Variants in BAZ1B observed in about 807,000 individuals in gnomAD.
BAZ1B encodes the protein bromodomain adjacent to zinc finger domain 1B, also known as tyrosine-protein kinase BAZ1B.
A neutral mutation model predicts 153.8 loss-of-function variants in BAZ1B; 22 were observed. That is an observed-to-expected ratio of 0.14 (90% confidence interval 0.10 to 0.20). The LOEUF (loss-of-function observed/expected upper bound fraction) is 0.20, where lower values mean the gene tolerates loss of function less well. Ranked by LOEUF, BAZ1B falls within the 10% of genes least tolerant of loss-of-function variation. BAZ1B has a pLI of 1.00. For missense variants in BAZ1B, 1,325 were observed against 1,799.3 expected, an observed-to-expected ratio of 0.74 and a Z score of 4.77; for synonymous variants, 676 against 633.4, an observed-to-expected ratio of 1.07 and a Z score of -1.01.
At chr7:73,517,918 T>C (rs1790875553) in intron 1 of BAZ1B, among the ~76,000 whole-genome samples, 2 of 152,146 alleles carry the variant, frequency 1.3e-5, no homozygotes, top group Admixed American at 1.3e-4. Flanking sequence ...CCCAGATAAG[T>C]ATAGAGTCAA....
At chr7:73,456,937 CAAAAAAAAAAAAAAAAAAAAA>C (rs71071937) in intron 13 of BAZ1B, among the ~76,000 whole-genome samples, 985 of 39,536 alleles carry the variant, frequency 0.025, 23 homozygotes, top group African/African-American at 0.082. Flanking sequence ...GACTCTGTCT[CAAAAAAAAAAAAAAAAAAAAA>C]AAAAAAAAAA....
intron 3 of BAZ1B, among the ~76,000 whole-genome samples, chr7:73,499,937 AT>A (rs1554576914): frequency 6.6e-6 from 1 of 152,044 alleles, no homozygotes; most frequent in African/African-American, 2.4e-5. Flanking sequence ...CAGCAATACC[AT>A]TTGGTCTTGC....
chr7:73,461,421 A>G (rs1344107700), intron 12 of BAZ1B, among the ~76,000 whole-genome samples: 1 of 152,270 alleles, frequency 6.6e-6, no homozygotes, highest in Non-Finnish European at 1.5e-5. Flanking sequence ...AAACTAAGAA[A>G]AATGACAACC....
intron 16 of BAZ1B, 103 bp from the exon 17 acceptor site, chr7:73,444,232 A>C: frequency 1.5e-6 from 2 of 1,350,262 alleles, no homozygotes; most frequent in Non-Finnish European, 2.0e-6. Flanking sequence ...TTTCCTGGAC[A>C]AGGAAAGCAG....
chr7:73,494,331 C>T (rs1789786055), intron 4 of BAZ1B, among the ~76,000 whole-genome samples: 1 of 151,776 alleles, frequency 6.6e-6, no homozygotes, highest in South Asian at 2.1e-4. Context: ...TGCAGTGAGC[C>T]GAGATCATGC....
At chr7:73,505,834 A>T (rs1458635059) in intron 3 of BAZ1B, among the ~76,000 whole-genome samples, 1 of 152,322 alleles carries the variant, frequency 6.6e-6, no homozygotes, top group East Asian at 1.9e-4. Context: ...TACAGGCCTG[A>T]GCCACCATGC....
intron 3 of BAZ1B, among the ~76,000 whole-genome samples, chr7:73,506,164 T>G (rs935563073): frequency 2.0e-5 from 3 of 152,196 alleles, no homozygotes; most frequent in African/African-American, 7.2e-5. Context: ...CGGTATCACT[T>G]TTGTAATAGT....
chr7:73,447,180 C>T, intron 16 of BAZ1B, 84 bp downstream of exon 16: 1 of 1,610,212 alleles, frequency 6.2e-7, no homozygotes, highest in Non-Finnish European at 8.5e-7. Context: ...GCCGGCCACA[C>T]TACCTACTGC....
chr7:73,481,389 C>T (rs1051729255), intron 6 of BAZ1B, among the ~76,000 whole-genome samples: 19 of 151,682 alleles, frequency 1.3e-4, no homozygotes, highest in African/African-American at 2.4e-4. Context: ...CGGTGGCGGG[C>T]GCCTGTAGTC....
rs782788658 is a variant in BAZ1B, at chr7:73,494,055, C to T, written c.572-1134G>A. Among the ~76,000 whole-genome samples the T allele has an allele frequency of 1.4e-4, 22 of 152,116 alleles. No individual in the cohort carries two copies. In the South Asian group the frequency reaches 1.9e-3, roughly 13 times the overall value. ...CTAGAGAACCAATGACAGACTGTGG[C>T]TGTAACTAACTACGGTGCATTTTGG... On this transcript the variant is annotated intron_variant, in intron 4 of 19. Transcript: ENST00000339594.
chr7:73,517,377 A>G (rs916957004), intron 1 of BAZ1B, among the ~76,000 whole-genome samples: 1 of 152,024 alleles, frequency 6.6e-6, no homozygotes, highest in Admixed American at 6.6e-5. Flanking sequence ...ACCTATGGTT[A>G]TAGCTACTCA....
rs1334194471 is a variant in BAZ1B at position 73,440,589 on chromosome 7, G to C, written c.*1120C>G. 6.6e-6 allele frequency: 1 copy of C among 152,202 alleles called. No individual in the cohort carries two copies. The highest frequency in any genetic ancestry group is 2.4e-5 in the African/African-American group (1 of 41,448). The allele number at this position is 152,202 out of a possible 1,614,324, so 9.4% of individuals were successfully genotyped here. ...TATGAACAAGAACAGACTGGATGTA[G>C]GAGGCAGGGGAAGCTGGCGGTGGTG... On this transcript the variant is annotated 3_prime_UTR_variant, in exon 20 of 20. Coordinates refer to ENST00000339594, the MANE Select transcript of BAZ1B (RefSeq NM_032408.4).
rs1172191062 is a variant in BAZ1B at position 73,478,033 on chromosome 7, T to C, written c.1428A>G (p.Leu476=). ...TTTCTTTGTAGTATGCAATGAGGTGTAGGGCTGCAGGAGGCAGATGTTTAT... is the reference window on the plus strand; with the variant it reads ...TTTCTTTGTAGTATGCAATGAGGTGCAGGGCTGCAGGAGGCAGATGTTTAT... The part of the protein sequence containing the change: ...KPHKHLPPAA[L]HLIAYYKENK... The change falls in exon 7 of 20, where the codon CTA becomes CTG. Residue 476 remains leucine (L), a synonymous_variant. Coordinates refer to ENST00000339594, the MANE Select transcript of BAZ1B (RefSeq NM_032408.4). 3 of 1,614,040 alleles carry C rather than the reference T, an allele frequency of 1.9e-6. No homozygotes were observed. Among genetic ancestry groups the C allele is most frequent in the African/African-American group, 1.3e-5 (1 of 74,920 alleles).
intron 13 of BAZ1B, among the ~76,000 whole-genome samples, chr7:73,455,373 ATTCTT>A (rs1235108467): frequency 6.6e-6 from 1 of 152,226 alleles, no homozygotes; most frequent in Non-Finnish European, 1.5e-5. Context: ...ATGTTCTCAA[ATTCTT>A]TTCTTCACAA....
At chr7:73,470,216 TTC>T in intron 8 of BAZ1B, 127 bp downstream of exon 8, 2 of 1,099,906 alleles carry the variant, frequency 1.8e-6, no homozygotes. Context: ...TCATCAACAA[TTC>T]TGTTTCCAAA....
At chr7:73,518,946 C>G (rs1790922197) in intron 1 of BAZ1B, among the ~76,000 whole-genome samples, 1 of 152,150 alleles carries the variant, frequency 6.6e-6, no homozygotes, top group Admixed American at 6.5e-5. Context: ...CCTATCTTGA[C>G]TTAAATACAG....
chr7:73,520,792 A>G (rs1791004370), intron 1 of BAZ1B, among the ~76,000 whole-genome samples: 2 of 152,240 alleles, frequency 1.3e-5, no homozygotes, highest in African/African-American at 4.8e-5. Context: ...AGCAAGCAAG[A>G]AACTGAGAAA....
In BAZ1B at chr7:73,494,250, G is replaced by A. The variant is rs958334086; in HGVS notation, c.572-1329C>T. Among the ~76,000 whole-genome samples the A allele has an allele frequency of 1.2e-4, 19 of 152,236 alleles. 1 individual carries two copies. The highest frequency in any genetic ancestry group is 4.3e-4 in the African/African-American group (18 of 41,546). ...TAGAAAAAATTAGCTGGGCATGGTG[G>A]CACGTGCCTGTAATCCCAGCTACTC... On this transcript the variant is annotated intron_variant, in intron 4 of 19. Coordinates refer to ENST00000339594, the MANE Select transcript of BAZ1B (RefSeq NM_032408.4).
intron 4 of BAZ1B, among the ~76,000 whole-genome samples, chr7:73,496,370 G>A (rs972796994): frequency 2.0e-5 from 3 of 152,078 alleles, no homozygotes; most frequent in South Asian, 2.1e-4. Flanking sequence ...AGTTTGCTTC[G>A]AACTACATTA....
Sources: allele counts gnomAD v4.1 joint callset (sites outside exome capture counted in the v4.1 genomes callset), GRCh38; gene constraint gnomAD v4.1.1; transcripts MANE v1.5; gene names NCBI Gene and HGNC (gene_info 2026-07-23, HGNC 2026-07-21).